MACROD2: variants seen among roughly 807,000 people sequenced by gnomAD.
MACROD2 encodes the protein mono-ADP ribosylhydrolase 2.
Under a neutral mutation model 70.4 loss-of-function variants are expected in MACROD2, and 36 were observed. The observed-to-expected ratio is 0.51, with a 90% CI of 0.39 to 0.68. The LOEUF is 0.68. Among genes scored for constraint, MACROD2 ranks in the 30% least tolerant of loss-of-function variants. The pLI is 0.00. For missense variants in MACROD2, 496 were observed against 538.4 expected (o/e 0.92, Z 0.78); for synonymous variants, 172 against 178.8 (o/e 0.96, Z 0.30).
At chr20:15,105,519 G>T (rs369141072) in intron 5 of MACROD2, among the ~76,000 whole-genome samples, 1 of 152,088 alleles carries the variant, frequency 6.6e-6, no homozygotes, top group Non-Finnish European at 1.5e-5. Context: ...GGGTATTGGG[G>T]TGCTGATACC....
chr20:14,578,767 G>C (rs1359564907), intron 4 of MACROD2, among the ~76,000 whole-genome samples: 1 of 152,106 alleles, frequency 6.6e-6, no homozygotes, highest in Non-Finnish European at 1.5e-5. Context: ...CTGATATCGG[G>C]GAAGGTAAAT....
chr20:14,195,767 C>A (rs1010768535), intron 3 of MACROD2, among the ~76,000 whole-genome samples: 4 of 152,140 alleles, frequency 2.6e-5, no homozygotes, highest in African/African-American at 9.7e-5. Flanking sequence ...GGCTGCCAAG[C>A]AGCTCGACTC....
intron 5 of MACROD2, among the ~76,000 whole-genome samples, chr20:15,141,976 C>T (rs2145848142): frequency 6.6e-6 from 1 of 152,274 alleles, no homozygotes; most frequent in Admixed American, 6.5e-5. Flanking sequence ...TTAAGGTTCA[C>T]CTGAAATGCA....
At chr20:14,170,917 G>A (rs534722491) in intron 3 of MACROD2, among the ~76,000 whole-genome samples, 4 of 152,238 alleles carry the variant, frequency 2.6e-5, no homozygotes, top group Non-Finnish European at 4.4e-5. Flanking sequence ...AATAGGATTG[G>A]TATCAATTCT....
chr20:14,638,173 G>A (rs1984886935), intron 4 of MACROD2, among the ~76,000 whole-genome samples: 1 of 151,878 alleles, frequency 6.6e-6, no homozygotes, highest in African/African-American at 2.4e-5. Context: ...ATTTTAAGTT[G>A]AATTATCTCT....
chr20:14,312,666 C>A (rs891472245), intron 3 of MACROD2, among the ~76,000 whole-genome samples: 8 of 152,274 alleles, frequency 5.3e-5, no homozygotes, highest in Non-Finnish European at 1.2e-4. Flanking sequence ...TTGCCTATAG[C>A]CACCAAATCT....
chr20:15,096,448 A>G (rs1489780670), intron 5 of MACROD2, among the ~76,000 whole-genome samples: 1 of 147,988 alleles, frequency 6.8e-6, no homozygotes, highest in African/African-American at 2.5e-5. Context: ...CCATGCTAAT[A>G]TATATATAAA....
chr20:14,351,370 C>T (rs1233825624), intron 3 of MACROD2, among the ~76,000 whole-genome samples: 1 of 151,958 alleles, frequency 6.6e-6, no homozygotes. Context: ...GATTATTTCA[C>T]TCCATGAACA....
chr20:15,863,669 A>G (rs544349917), intron 9 of MACROD2, among the ~76,000 whole-genome samples: 1 of 152,324 alleles, frequency 6.6e-6, no homozygotes, highest in African/African-American at 2.4e-5. Context: ...CGTCTGAAGT[A>G]GTTTGTCATA....
intron 3 of MACROD2, among the ~76,000 whole-genome samples, chr20:14,241,865 A>G (rs144766429): frequency 3.2e-4 from 49 of 152,350 alleles, no homozygotes; most frequent in Non-Finnish European, 6.8e-4. Flanking sequence ...ATTCTTTTAC[A>G]TAAGCTTTAA....
At chr20:15,661,219 T>A (rs2049817221) in intron 8 of MACROD2, among the ~76,000 whole-genome samples, 1 of 152,148 alleles carries the variant, frequency 6.6e-6, no homozygotes, top group African/African-American at 2.4e-5. Context: ...GGTGTCTTAG[T>A]CCAGTTTGTG....
At chr20:14,694,341 C>T (rs111332740) in intron 5 of MACROD2, among the ~76,000 whole-genome samples, 6 of 152,094 alleles carry the variant, frequency 3.9e-5, no homozygotes, top group South Asian at 2.1e-4. Flanking sequence ...ATAAAGTAAC[C>T]GAGGCCTAGG....
At position 15,001,945 on chromosome 20, in the gene MACROD2, C is replaced by T. The variant is rs555976825; in HGVS notation, c.419-227995C>T. On this transcript the variant is annotated intron_variant, in intron 5 of 17. Coordinates refer to ENST00000684519, the MANE Select transcript of MACROD2 (RefSeq NM_001351661.2). ...CTCATAGCTTAGCGCGTGTGCATGC[C>T]CACACACACACACACACACACACAC... Among the ~76,000 whole-genome samples, 193 of 146,092 alleles carry T rather than the reference C, an allele frequency of 1.3e-3. 2 individuals are homozygous for T. The highest frequency in any genetic ancestry group is 4.4e-3 in the African/African-American group (177 of 40,108).
chr20:14,057,581 G>A (rs1371346682), intron 2 of MACROD2, among the ~76,000 whole-genome samples: 1 of 152,100 alleles, frequency 6.6e-6, no homozygotes, highest in African/African-American at 2.4e-5. Context: ...TTTTGCTGCT[G>A]GTGGGAAAAT....
intron 5 of MACROD2, among the ~76,000 whole-genome samples, chr20:15,124,175 A>T (rs2076050009): frequency 6.6e-6 from 1 of 152,036 alleles, no homozygotes; most frequent in Admixed American, 6.6e-5. Flanking sequence ...TTACTTAGCT[A>T]GTAAGACTGC....
At chr20:14,493,362 G>A (rs1463946386) in intron 3 of MACROD2, 117 bp from the exon 4 acceptor site, 3 of 658,718 alleles carry the variant, frequency 4.6e-6, no homozygotes, top group African/African-American at 3.8e-5. Context: ...AATATTTTGT[G>A]TTTATGTATG....
At chr20:14,791,930 T>C (rs1459983500) in intron 5 of MACROD2, among the ~76,000 whole-genome samples, 1 of 151,922 alleles carries the variant, frequency 6.6e-6, no homozygotes, top group Non-Finnish European at 1.5e-5. Context: ...TTATTGATTA[T>C]TGTTGATGTT....
chr20:15,231,366 A>G (rs2076957727), intron 6 of MACROD2, among the ~76,000 whole-genome samples: 1 of 152,060 alleles, frequency 6.6e-6, no homozygotes, highest in South Asian at 2.1e-4. Context: ...CTCTATAGGA[A>G]AATAAGAAAA....
intron 4 of MACROD2, among the ~76,000 whole-genome samples, chr20:14,576,322 G>A (rs1424632209): frequency 6.6e-6 from 1 of 152,188 alleles, no homozygotes; most frequent in African/African-American, 2.4e-5. Context: ...TAAAGACAAA[G>A]AGAGTGAGAT....
Sources: allele counts gnomAD v4.1 joint callset (sites outside exome capture counted in the v4.1 genomes callset), GRCh38; gene constraint gnomAD v4.1.1; transcripts MANE v1.5; gene names NCBI Gene and HGNC (gene_info 2026-07-23, HGNC 2026-07-21).